The following KCNIP4 variants were observed in gnomAD, a reference collection of about 807,000 sequenced individuals.
KCNIP4 encodes the protein Kv channel-interacting protein 4.
KCNIP4 carries 12 observed loss-of-function variants against 34.0 expected under a neutral mutation model. The ratio of observed to expected loss-of-function variants is 0.35; its 90% confidence interval spans 0.23 to 0.57. The LOEUF is 0.57. Among genes scored for constraint, KCNIP4 ranks in the 20% least tolerant of loss-of-function variants. The probability of loss-of-function intolerance (pLI) is 0.83; values close to 1 mark genes in which losing one functional copy is unlikely to be tolerated. For synonymous variants in KCNIP4, 124 were observed against 102.2 expected (o/e 1.21, Z -1.29); for missense variants, 238 against 311.7 (o/e 0.76, Z 1.78).
At chr4:21,567,978 G>T (rs1156461576) in intron 1 of KCNIP4, among the ~76,000 whole-genome samples, 1 of 152,126 alleles carries the variant, frequency 6.6e-6, no homozygotes, top group Non-Finnish European at 1.5e-5. Flanking sequence ...TATATTTATG[G>T]CCATAGTCAG....
At chr4:21,447,190 G>A (rs1004872129) in intron 1 of KCNIP4, among the ~76,000 whole-genome samples, 8 of 152,100 alleles carry the variant, frequency 5.3e-5, no homozygotes, top group African/African-American at 1.7e-4. Context: ...AAGGTAGAAG[G>A]AGATTTGATA....
At chr4:21,834,688 C>T (rs1191193608) in intron 1 of KCNIP4, among the ~76,000 whole-genome samples, 1 of 151,888 alleles carries the variant, frequency 6.6e-6, no homozygotes, top group Non-Finnish European at 1.5e-5. Flanking sequence ...AAAGGGAATG[C>T]TTCCAGTTTT....
At chr4:21,199,566 A>C (rs1186334051) in intron 1 of KCNIP4, among the ~76,000 whole-genome samples, 2 of 152,102 alleles carry the variant, frequency 1.3e-5, no homozygotes, top group Admixed American at 6.5e-5. Flanking sequence ...GAAGCTCTTT[A>C]GTTTAATTAG....
chr4:20,939,594 G>C (rs759444428), intron 1 of KCNIP4, among the ~76,000 whole-genome samples: 16 of 151,826 alleles, frequency 1.1e-4, no homozygotes, highest in Admixed American at 5.9e-4. Context: ...GGATGGTCTC[G>C]ATTTCTTGGC....
intron 3 of KCNIP4, among the ~76,000 whole-genome samples, chr4:20,770,352 G>A (rs1315997220): frequency 6.6e-6 from 1 of 152,130 alleles, no homozygotes. Flanking sequence ...TATCCCATAT[G>A]CTGAGTGTTC....
chr4:21,856,000 G>C (rs2109343158), intron 1 of KCNIP4, among the ~76,000 whole-genome samples: 1 of 152,298 alleles, frequency 6.6e-6, no homozygotes, highest in Non-Finnish European at 1.5e-5. Context: ...AACAGTTCTA[G>C]CAGTTCTAGG....
At chr4:21,771,236 A>T (rs1051650092) in intron 1 of KCNIP4, among the ~76,000 whole-genome samples, 16 of 152,146 alleles carry the variant, frequency 1.1e-4, no homozygotes, top group African/African-American at 3.6e-4. Context: ...CGTTTGTTGA[A>T]GATCAAATGG....
intron 1 of KCNIP4, among the ~76,000 whole-genome samples, chr4:21,837,643 CTGT>C (rs955904444): frequency 5.1e-4 from 78 of 151,576 alleles, no homozygotes; most frequent in African/African-American, 1.7e-3. Flanking sequence ...TTTCCATAGG[CTGT>C]TTCTTTCTCT....
intron 1 of KCNIP4, among the ~76,000 whole-genome samples, chr4:20,970,401 A>G (rs1009172201): frequency 6.6e-5 from 10 of 152,092 alleles, no homozygotes; most frequent in African/African-American, 2.4e-4. Flanking sequence ...CAGTGCTTTG[A>G]TGTTTTCAAA....
chr4:20,855,576 T>C (rs1721487790), intron 2 of KCNIP4, among the ~76,000 whole-genome samples: 1 of 152,060 alleles, frequency 6.6e-6, no homozygotes, highest in South Asian at 2.1e-4. Context: ...CTGAGAGCAT[T>C]GAGGGGCCAA....
chr4:21,272,932 A>G (rs958184017), intron 1 of KCNIP4, among the ~76,000 whole-genome samples: 5 of 152,098 alleles, frequency 3.3e-5, no homozygotes, highest in Non-Finnish European at 5.9e-5. Context: ...ACTTTTCTCT[A>G]TCAGTATCGT....
At chr4:21,115,028 A>C (rs1439916850) in intron 1 of KCNIP4, among the ~76,000 whole-genome samples, 1 of 152,212 alleles carries the variant, frequency 6.6e-6, no homozygotes, top group African/African-American at 2.4e-5. Flanking sequence ...TTCACCAGTC[A>C]TCCACATGGG....
In KCNIP4 at chr4:21,682,961, T is replaced by C. The variant is rs747715411; in HGVS notation, c.61+265610A>G. Among the ~76,000 whole-genome samples, 49 of 152,328 alleles carry C rather than the reference T, an allele frequency of 3.2e-4. 1 individual carries two copies. The Middle Eastern group carries it at 0.017, about 53-fold the overall frequency. On this transcript the variant is annotated intron_variant, in intron 1 of 8. Coordinates refer to ENST00000382152, the MANE Select transcript of KCNIP4 (RefSeq NM_025221.6). The stretch of plus-strand genomic sequence containing the variant: ...AATATTGCAACGATCATAATGTGAC[T>C]CAGAAACATGAAGTGAACATGTGTT...
chr4:21,779,674 C>T (rs1719448989), intron 1 of KCNIP4, among the ~76,000 whole-genome samples: 1 of 152,064 alleles, frequency 6.6e-6, no homozygotes, highest in South Asian at 2.1e-4. Context: ...GAGACCGAGG[C>T]AGAAGAATCA....
chr4:21,331,045 C>T (rs985296672), intron 1 of KCNIP4, among the ~76,000 whole-genome samples: 1 of 152,144 alleles, frequency 6.6e-6, no homozygotes, highest in African/African-American at 2.4e-5. Flanking sequence ...GTTTCCCAGT[C>T]CCTAATAGTT....
intron 1 of KCNIP4, among the ~76,000 whole-genome samples, chr4:21,184,758 A>G (rs1176112796): frequency 1.3e-5 from 2 of 152,184 alleles, no homozygotes; most frequent in Non-Finnish European, 2.9e-5. Flanking sequence ...AATCCATCTG[A>G]AAGTGTCTTC....
chr4:21,391,463 C>G (rs1247582478), intron 1 of KCNIP4, among the ~76,000 whole-genome samples: 1 of 152,072 alleles, frequency 6.6e-6, no homozygotes, highest in Non-Finnish European at 1.5e-5. Flanking sequence ...TGAACTCATC[C>G]TCTCTTCTGA....
chr4:21,791,010 T>A (rs1196382536), intron 1 of KCNIP4, among the ~76,000 whole-genome samples: 3 of 137,036 alleles, frequency 2.2e-5, no homozygotes, highest in East Asian at 5.0e-4. Context: ...TATCTTGGAA[T>A]ACATCATTTT....
At chr4:21,568,740 T>C (rs1250950481) in intron 1 of KCNIP4, among the ~76,000 whole-genome samples, 1 of 152,090 alleles carries the variant, frequency 6.6e-6, no homozygotes, top group Admixed American at 6.6e-5. Flanking sequence ...ACTATGGGCT[T>C]CCCAACTTTT....
Sources: allele counts gnomAD v4.1 joint callset (sites outside exome capture counted in the v4.1 genomes callset), GRCh38; gene constraint gnomAD v4.1.1; transcripts MANE v1.5; gene names NCBI Gene and HGNC (gene_info 2026-07-23, HGNC 2026-07-21).